The following SETX variants were observed in gnomAD, a reference collection of about 807,000 sequenced individuals.
SETX encodes the protein senataxin.
Under a neutral mutation model 227.2 loss-of-function variants are expected in SETX, and 90 were observed. The ratio of observed to expected loss-of-function variants is 0.40; its 90% CI spans 0.33 to 0.47. The LOEUF (loss-of-function observed/expected upper bound fraction) is 0.47. Ranked by LOEUF, SETX falls within the 20% of genes least tolerant of loss-of-function variation. The pLI is 0.91. For synonymous variants in SETX, 1,210 were observed against 1,113.2 expected (o/e 1.09, Z -1.73); for missense variants, 3,052 against 3,181.5 (o/e 0.96, Z 0.98).
intron 10 of SETX, among the ~76,000 whole-genome samples, chr9:132,323,025 T>C (rs767379840): frequency 6.6e-6 from 1 of 151,938 alleles, no homozygotes; most frequent in Non-Finnish European, 1.5e-5. Context: ...TAGAAAAAAT[T>C]AAAGAAAATG....
intron 10 of SETX, among the ~76,000 whole-genome samples, chr9:132,319,047 C>T (rs1846171967): frequency 6.6e-6 from 1 of 152,164 alleles, no homozygotes; most frequent in South Asian, 2.1e-4. Context: ...GCCATTAGCC[C>T]GTGATCATTT....
At chr9:132,325,739 C>T (rs1037673926) in intron 10 of SETX, among the ~76,000 whole-genome samples, 1 of 151,972 alleles carries the variant, frequency 6.6e-6, no homozygotes, top group Non-Finnish European at 1.5e-5. Flanking sequence ...TCAAGACCAG[C>T]CTGACCAACA....
chr9:132,344,747 C>T (rs511844), intron 4 of SETX, among the ~76,000 whole-genome samples: 115,167 of 151,410 alleles, frequency 0.76, 44,985 homozygotes, highest in Non-Finnish European at 0.85. Flanking sequence ...TAGTGGCAGG[C>T]GCCTGTAATC....
At chr9:132,334,168 G>T (rs186091805) in intron 7 of SETX, among the ~76,000 whole-genome samples, 40 of 152,246 alleles carry the variant, frequency 2.6e-4, no homozygotes, top group African/African-American at 8.7e-4. Context: ...GGTCCTTTCT[G>T]ATTTAAAAGT....
At chr9:132,306,082 C>T (rs1388584675) in intron 11 of SETX, among the ~76,000 whole-genome samples, 1 of 152,210 alleles carries the variant, frequency 6.6e-6, no homozygotes, top group Non-Finnish European at 1.5e-5. Context: ...CATCTCCTTA[C>T]TCCATCCCAT....
chr9:132,277,788 TCA>T (rs1491252621), intron 21 of SETX, among the ~76,000 whole-genome samples: 1 of 40,342 alleles, frequency 2.5e-5, no homozygotes, highest in Non-Finnish European at 3.8e-5. Context: ...GACCCTGTCT[TCA>T]AAAAAAAAAA....
chr9:132,337,095 G>A (rs895584311), intron 5 of SETX, among the ~76,000 whole-genome samples: 11 of 151,472 alleles, frequency 7.3e-5, no homozygotes, highest in African/African-American at 9.7e-5. Flanking sequence ...AATATTTTTC[G>A]TTTTTTTTAA....
Position 132,271,482 on chromosome 9 carries a change from T to C in SETX, c.7199+228A>G, listed in dbSNP as rs530233580. 5.3e-5 allele frequency among the ~76,000 whole-genome samples: 8 copies of C among 152,278 alleles called. No homozygotes were observed. In the South Asian group the frequency reaches 1.7e-3, roughly 32 times the overall value. ...CGGGAGGCTGATGCAGAAGAATCGC[T>C]TGAACCCAGGAGGTGGAGGATGCAG... On this transcript the variant is annotated intron_variant, in intron 24 of 25. Transcript: ENST00000224140.
At chr9:132,346,000 C>T (rs1417834580) in intron 4 of SETX, among the ~76,000 whole-genome samples, 1 of 152,080 alleles carries the variant, frequency 6.6e-6, no homozygotes, top group East Asian at 1.9e-4. Context: ...GCCTAGGAGA[C>T]ACAGCAAGAC....
Position 132,278,261 on chromosome 9 carries a change from T to C in SETX, c.6655-4A>G. 1 of 1,614,008 alleles carries C rather than the reference T, an allele frequency of 6.2e-7. No individual in the cohort carries two copies. Among genetic ancestry groups the C allele is most frequent in the African/African-American group, 1.3e-5 (1 of 75,018 alleles). On this transcript the variant is annotated splice_region_variant and splice_polypyrimidine_tract_variant and intron_variant, in intron 20 of 25. Transcript: ENST00000224140. ...CGTAGCCATACTCCTGTGCTTTCTGTGAGGGGCAAAATAAAGCAACAGTTT... is the reference window on the plus strand; with the variant it reads ...CGTAGCCATACTCCTGTGCTTTCTGCGAGGGGCAAAATAAAGCAACAGTTT...
intron 10 of SETX, among the ~76,000 whole-genome samples, chr9:132,325,246 C>T (rs1277891464): frequency 1.3e-5 from 2 of 152,258 alleles, no homozygotes; most frequent in African/African-American, 4.8e-5. Context: ...GTCTCAGCTA[C>T]TCGGGAGGCT....
At chr9:132,270,133 G>A (rs1233152396) in intron 24 of SETX, among the ~76,000 whole-genome samples, 3 of 102,158 alleles carry the variant, frequency 2.9e-5, no homozygotes, top group East Asian at 6.3e-4. Flanking sequence ...TGAGACACAG[G>A]TGGACTCTAG....
intron 1 of SETX, among the ~76,000 whole-genome samples, 180 bp downstream of exon 1, chr9:132,354,737 G>A (rs1848814125): frequency 6.6e-6 from 1 of 152,064 alleles, no homozygotes; most frequent in Non-Finnish European, 1.5e-5. Context: ...GCCGCCAGCC[G>A]TCGAGGGGTG....
chr9:132,296,824 T>C lies in SETX; in HGVS notation c.5949+63A>G, dbSNP rs984140784. ...TGTTAATACTTATTTACATGTCAGT[T>C]AACTCAAGTAAAGTAAAATGATACA... On this transcript the variant is annotated intron_variant, in intron 14 of 25. Coordinates refer to ENST00000224140, the MANE Select transcript of SETX (RefSeq NM_015046.7). 8 of 1,441,208 alleles carry C rather than the reference T, an allele frequency of 5.6e-6. No homozygotes were observed. The African/African-American group carries it at 1.1e-4, about 20-fold the overall frequency. 89.3% of individuals were successfully genotyped at this position (1,441,208 alleles called of 1,614,324 possible).
chr9:132,328,637 C>T lies in SETX; in HGVS notation c.2961G>A (p.Leu987=). ...TTTTATCTTCTTTTACTTTCCTTTG[C>T]AGCTGCGATGAGTTCTGAGGTGAAT... The part of the protein sequence containing the change: ...PSDSPQNSSQ[L]QRKVKEDKRC... The change falls in exon 10 of 26, where the codon CTG becomes CTA. Residue 987 remains leucine (L), a synonymous_variant. Coordinates refer to ENST00000224140, the MANE Select transcript of SETX (RefSeq NM_015046.7). 1 of 1,613,116 alleles carries T rather than the reference C, an allele frequency of 6.2e-7. No individual in the cohort carries two copies. The highest frequency in any genetic ancestry group is 8.5e-7 in the Non-Finnish European group (1 of 1,179,534).
Position 132,271,627 on chromosome 9 carries a change from A to C in SETX, c.7199+83T>G. The C allele has an allele frequency of 4.5e-6, 5 of 1,102,646 alleles. No homozygotes were observed. In the South Asian group the frequency reaches 6.2e-5, roughly 14 times the overall value. The allele number at this position is 1,102,646 out of a possible 1,614,324, so 68.3% of individuals were successfully genotyped here. ...TTAAAAAAGCAAATGGTGTTCTCTA[A>C]CAGTGATAATGAACCTAATCCTGAA... On this transcript the variant is annotated intron_variant, in intron 24 of 25. Coordinates refer to ENST00000224140, the MANE Select transcript of SETX (RefSeq NM_015046.7).
chr9:132,269,368 C>T (rs781314060), intron 25 of SETX: 2 of 1,439,290 alleles, frequency 1.4e-6, no homozygotes, highest in Non-Finnish European at 9.4e-7. Context: ...TAACAATAAT[C>T]CTATGATGTG....
chr9:132,340,739 G>T (rs1316787768), intron 5 of SETX, among the ~76,000 whole-genome samples: 1 of 152,194 alleles, frequency 6.6e-6, no homozygotes, highest in East Asian at 1.9e-4. Context: ...ACAAATATTA[G>T]GGGTTATCCA....
chr9:132,309,717 T>C (rs1213651793), intron 11 of SETX, among the ~76,000 whole-genome samples: 1 of 151,898 alleles, frequency 6.6e-6, no homozygotes, highest in Non-Finnish European at 1.5e-5. Context: ...ATAAAAAATG[T>C]ACCCTAGGGC....
Sources: allele counts gnomAD v4.1 joint callset (sites outside exome capture counted in the v4.1 genomes callset), GRCh38; gene constraint gnomAD v4.1.1; transcripts MANE v1.5; gene names NCBI Gene and HGNC (gene_info 2026-07-23, HGNC 2026-07-21).